The following LGI4 variants were observed in gnomAD, a reference collection of about 807,000 sequenced individuals.
LGI4 encodes leucine-rich repeat LGI family member 4.
Under a neutral mutation model 48.3 loss-of-function variants are expected in LGI4, and 36 were observed. The ratio of observed to expected loss-of-function variants is 0.75; its 90% CI spans 0.57 to 0.98. The LOEUF (loss-of-function observed/expected upper bound fraction) is 0.98, where lower values mean the gene tolerates loss of function less well. LGI4 is among the 50% of genes least tolerant of loss of function. The probability of loss-of-function intolerance (pLI) is 0.00; values close to 1 mark genes in which losing one functional copy is unlikely to be tolerated. For missense variants in LGI4, 701 were observed against 732.1 expected (o/e 0.96, Z 0.49); for synonymous variants, 355 against 331.6 (o/e 1.07, Z -0.77).
At chr19:35,129,091 C>T (rs1297404709) in intron 6 of LGI4, among the ~76,000 whole-genome samples, 1 of 152,108 alleles carries the variant, frequency 6.6e-6, no homozygotes, top group Non-Finnish European at 1.5e-5. Context: ...CCCCAAACTC[C>T]CAGGACTGTA....
chr19:35,127,411 G>T (rs1008601931), intron 6 of LGI4, among the ~76,000 whole-genome samples: 1 of 152,038 alleles, frequency 6.6e-6, no homozygotes, highest in African/African-American at 2.4e-5. Context: ...GAATTCCTAG[G>T]CTCAAGAGAT....
chr19:35,134,258 G>A (rs2065194397), intron 1 of LGI4, among the ~76,000 whole-genome samples, 154 bp from the exon 2 acceptor site: 2 of 152,220 alleles, frequency 1.3e-5, no homozygotes. Context: ...TTGCCCTCCT[G>A]GCTTGACAAG....
At chr19:35,129,844 C>A (rs1191684287) in intron 6 of LGI4, among the ~76,000 whole-genome samples, 1 of 151,628 alleles carries the variant, frequency 6.6e-6, no homozygotes, top group Non-Finnish European at 1.5e-5. Context: ...AGGAAGGCAT[C>A]TGTCTCCTGC....
chr19:35,134,403 G>A (rs1247487804), intron 1 of LGI4, 108 bp downstream of exon 1: 3 of 1,171,690 alleles, frequency 2.6e-6, no homozygotes, highest in African/African-American at 3.1e-5. Context: ...CATCTCCTGA[G>A]ATCCTGATGG....
chr19:35,126,524 C>T lies in LGI4; in HGVS notation c.1045G>A (p.Gly349Arg), dbSNP rs1342273803. ...CTCTGGTGCGGGTAAAAGCCGGGCC[C>T]GTCGCGGCACAGCAGCGTGGTGCTG... ...AGSTTLLCRDGPGFYPHQSLH... is the reference protein window; with the variant it reads ...AGSTTLLCRDRPGFYPHQSLH... Residue 349 changes from glycine to arginine, a missense_variant, in exon 8 of 9, where the codon GGG becomes AGG. Coordinates refer to ENST00000310123, the MANE Select transcript of LGI4 (RefSeq NM_139284.3). 9 of 1,543,502 alleles carry T rather than the reference C, an allele frequency of 5.8e-6. No individual in the cohort carries two copies. Among genetic ancestry groups the T allele is most frequent in the African/African-American group, 1.4e-5 (1 of 73,546 alleles).
At chr19:35,129,692 A>T (rs2065162237) in intron 6 of LGI4, among the ~76,000 whole-genome samples, 1 of 152,194 alleles carries the variant, frequency 6.6e-6, no homozygotes, top group Non-Finnish European at 1.5e-5. Context: ...GGTATTGTCC[A>T]AGGTTTCCCT....
intron 5 of LGI4, 24 bp downstream of exon 5, chr19:35,131,765 A>C: frequency 7.4e-6 from 11 of 1,492,246 alleles, no homozygotes; most frequent in African/African-American, 1.4e-5. Flanking sequence ...AACCCCCCAC[A>C]TTCCCAGCCC....
In LGI4 at chr19:35,131,186, A is replaced by G. The variant is rs561988422; in HGVS notation, c.628+200T>C. The G allele has an allele frequency of 4.3e-6, 3 of 696,998 alleles. No individual in the cohort carries two copies. In the South Asian group the frequency reaches 4.8e-5, roughly 11 times the overall value. The allele number at this position is 696,998 out of a possible 1,614,324, so 43.2% of individuals were successfully genotyped here. A position where few individuals can be genotyped will look rare whatever the true frequency, so the allele number is the denominator to read the frequency against. Reference sequence around the variant, plus strand: ...CCGAACACGTGAAGATGTATCATTGAATTCCCATGGCACTCCTATATCACT... The same window carrying G: ...CCGAACACGTGAAGATGTATCATTGGATTCCCATGGCACTCCTATATCACT... On this transcript the variant is annotated intron_variant, in intron 6 of 8. Transcript: ENST00000310123.
Position 35,124,878 on chromosome 19 carries a change from C to T in LGI4, c.*315G>A, listed in dbSNP as rs900985965. The T allele has an allele frequency of 7.5e-5, 19 of 254,264 alleles. No homozygotes were observed. The highest frequency in any genetic ancestry group is 1.6e-4 in the Admixed American group (3 of 18,748). The allele number at this position is 254,264 out of a possible 1,614,324, so 15.8% of individuals were successfully genotyped here. A position where few individuals can be genotyped will look rare whatever the true frequency, so the allele number is the denominator to read the frequency against. On this transcript the variant is annotated 3_prime_UTR_variant, in exon 9 of 9. Coordinates refer to ENST00000310123, the MANE Select transcript of LGI4 (RefSeq NM_139284.3). ...GACCTCATGGAGCTCTGCACGTGAC[C>T]TCCACCTCGACTCCATGCAGTGCAC...
At position 35,126,995 on chromosome 19, in the gene LGI4, C is replaced by A; in HGVS notation, c.651G>T (p.Val217=). The change falls in exon 7 of 9, where the codon GTG becomes GTT. Residue 217 remains valine, a synonymous_variant. Coordinates refer to ENST00000310123, the MANE Select transcript of LGI4 (RefSeq NM_139284.3). The stretch of plus-strand genomic sequence containing the variant: ...GCTCTACGCTCAGTGCCGACTCCCC[C>A]ACCGTCTGGAACCAGGACAGCTCTG... ...RAIELSWFQT[V]GESALSVEPF... The A allele has an allele frequency of 1.2e-6, 2 of 1,601,790 alleles. No individual in the cohort carries two copies. Among genetic ancestry groups the A allele is most frequent in the Non-Finnish European group, 1.7e-6 (2 of 1,171,588 alleles).
At position 35,126,976 on chromosome 19, in the gene LGI4, C is replaced by A; in HGVS notation, c.670G>T (p.Val224Leu). 6.2e-7 allele frequency: 1 copy of A among 1,610,468 alleles called. No homozygotes were observed. Residue 224 changes from valine to leucine, a missense_variant, in exon 7 of 9, where the codon GTA becomes TTA. Physicochemically the swap from Val to Leu is conservative, Grantham distance 32. Coordinates refer to ENST00000310123, the MANE Select transcript of LGI4 (RefSeq NM_139284.3). ...FQTVGESALS[V>L]EPFSYQGEPH... ...TCCCCTTGGTAGGAGAAGGGCTCTA[C>A]GCTCAGTGCCGACTCCCCCACCGTC...
chr19:35,133,919 C>T, intron 2 of LGI4, 114 bp downstream of exon 2: 1 of 1,288,410 alleles, frequency 7.8e-7, no homozygotes, highest in Non-Finnish European at 1.1e-6. Flanking sequence ...TGCATACACC[C>T]CCACACACGT....
intron 6 of LGI4, chr19:35,130,953 A>G (rs2065170264): frequency 4.6e-6 from 2 of 433,656 alleles, no homozygotes; most frequent in African/African-American, 2.1e-5. Context: ...TGGCCTCATC[A>G]TTCTGTGCTC....
rs1369431599 is a variant in LGI4 at position 35,129,036 on chromosome 19, G to A, written c.629-2019C>T. Among the ~76,000 whole-genome samples the A allele has an allele frequency of 9.9e-5, 15 of 152,138 alleles. 1 individual carries two copies. The highest frequency in any genetic ancestry group is 3.1e-4 in the African/African-American group (13 of 41,494). On this transcript the variant is annotated intron_variant, in intron 6 of 8. Coordinates refer to ENST00000310123, the MANE Select transcript of LGI4 (RefSeq NM_139284.3). ...CATCACTCCTTGTAGTTATCACAAC[G>A]TATAGCACACATTGATCTGTGCCGT...
chr19:35,128,701 G>A (rs191042794), intron 6 of LGI4, among the ~76,000 whole-genome samples: 26 of 152,238 alleles, frequency 1.7e-4, no homozygotes, highest in African/African-American at 6.0e-4. Flanking sequence ...GACAGAGTGA[G>A]ATCCTGTTTC....
rs1343373130 is a variant in LGI4, at chr19:35,126,508, G to C, written c.1061C>G (p.Pro354Arg). ...GTGCCAGGCGTGCAGGCTCTGGTGC[G>C]GGTAAAAGCCGGGCCCGTCGCGGCA... Reference protein sequence around the residue: ...LLCRDGPGFYPHQSLHAWHRD... With the variant: ...LLCRDGPGFYRHQSLHAWHRD... The change falls in exon 8 of 9, where the codon CCG becomes CGG. Residue 354 changes from proline to arginine, a missense_variant. By Grantham distance (103) the Pro-to-Arg change is moderately radical. Coordinates refer to ENST00000310123, the MANE Select transcript of LGI4 (RefSeq NM_139284.3). 1.3e-6 allele frequency: 2 copies of C among 1,551,330 alleles called. No homozygotes were observed. The highest frequency in any genetic ancestry group is 1.7e-6 in the Non-Finnish European group (2 of 1,153,038).
chr19:35,125,348 G>C lies in LGI4; in HGVS notation c.1459C>G (p.Leu487Val). ...QVLRLEPDKG[L>V]LEPLQELGPP... Reference sequence around the variant, plus strand: ...CCCAGCTCCTGCAGTGGCTCCAGGAGCCCCTTGTCAGGCTCAAGGCGGAGG... The same window carrying C: ...CCCAGCTCCTGCAGTGGCTCCAGGACCCCCTTGTCAGGCTCAAGGCGGAGG... The change falls in exon 9 of 9, where the codon CTC becomes GTC. Residue 487 changes from leucine (L) to valine (V), a missense_variant. Leu to Val is a conservative substitution (Grantham distance 32, BLOSUM62 1). This residue lies in a region of LGI4 where 223 missense variants were observed against 263.3 expected (regional missense o/e 0.85). Coordinates refer to ENST00000310123, the MANE Select transcript of LGI4 (RefSeq NM_139284.3). 1 of 1,613,332 alleles carries C rather than the reference G, an allele frequency of 6.2e-7. No homozygotes were observed. Among genetic ancestry groups the C allele is most frequent in the Non-Finnish European group, 8.5e-7 (1 of 1,179,470 alleles).
At position 35,126,868 on chromosome 19, in the gene LGI4, C is replaced by A; in HGVS notation, c.778G>T (p.Glu260Ter). The A allele has an allele frequency of 6.2e-7, 1 of 1,611,800 alleles. No individual in the cohort carries two copies. The highest frequency in any genetic ancestry group is 8.5e-7 in the Non-Finnish European group (1 of 1,179,468). Reference protein sequence around the residue: ...WDYSLQRFRPEEELPAASVVS... With the variant: ...WDYSLQRFRP ...GGGGGCTCACCGGGCAGCTCTTCCT[C>A]GGGCCGGAAGCGCTGCAGGCTGTAG... The change falls in exon 7 of 9, where the codon GAG (glutamate) becomes TAG (stop). Residue 260 changes from glutamate to a stop codon, truncating the protein, a stop_gained. Coordinates refer to ENST00000310123, the MANE Select transcript of LGI4 (RefSeq NM_139284.3). LOFTEE classifies it high-confidence loss of function.
intron 8 of LGI4, chr19:35,125,948 A>G: frequency 1.9e-6 from 1 of 534,078 alleles, no homozygotes; most frequent in Non-Finnish European, 3.5e-6. Flanking sequence ...AACAGTGGGC[A>G]GTGCTTAACC....
Sources: gnomAD v4.1 joint callset for allele counts (sites outside exome capture counted in the v4.1 genomes callset) on GRCh38, gnomAD v4.1.1 for gene constraint, gnomAD v4.1.1 regional missense constraint, MANE v1.5 for transcripts, NCBI Gene and HGNC (gene_info 2026-07-23, HGNC 2026-07-21) for gene names.